The following CEMIP variants were observed in gnomAD, a reference collection of about 807,000 sequenced individuals.
CEMIP encodes the protein cell migration inducing hyaluronidase 1, also known as cell migration-inducing and hyaluronan-binding protein.
Under a neutral mutation model 156.9 loss-of-function variants are expected in CEMIP, and 105 were observed. The ratio of observed to expected loss-of-function variants is 0.67; its 90% confidence interval spans 0.57 to 0.79. The LOEUF (loss-of-function observed/expected upper bound fraction) is 0.79, where lower values mean the gene tolerates loss of function less well. CEMIP is among the 30% of genes least tolerant of loss of function. The pLI is 0.00. For synonymous variants in CEMIP, 676 were observed against 668.4 expected, an observed-to-expected ratio of 1.01 and a Z score of -0.17; for missense variants, 1,457 against 1,769.4, an observed-to-expected ratio of 0.82 and a Z score of 3.17.
chr15:80,843,122 A>T (rs1897466521), intron 1 of CEMIP, among the ~76,000 whole-genome samples: 1 of 152,164 alleles, frequency 6.6e-6, no homozygotes, highest in Admixed American at 6.5e-5. Flanking sequence ...TACATGCCAG[A>T]CTGTCTTAGG....
chr15:80,815,196 C>T (rs925116791), intron 1 of CEMIP, among the ~76,000 whole-genome samples: 1 of 152,226 alleles, frequency 6.6e-6, no homozygotes, highest in African/African-American at 2.4e-5. Context: ...ATCCTAACTC[C>T]GTCACTCACT....
chr15:80,913,793 C>T (rs562887895), intron 14 of CEMIP, among the ~76,000 whole-genome samples: 99 of 152,342 alleles, frequency 6.5e-4, no homozygotes, highest in African/African-American at 2.4e-3. Flanking sequence ...GTTAAATGAC[C>T]TTGGCAAACA....
chr15:80,888,587 T>C (rs1898929115), intron 8 of CEMIP, 114 bp from the exon 9 acceptor site: 2 of 765,458 alleles, frequency 2.6e-6, no homozygotes, highest in Non-Finnish European at 4.6e-6. Flanking sequence ...AAAAAATATT[T>C]TTAAAGAAAT....
In CEMIP at chr15:80,932,311, C is replaced by A. The variant is rs1900948320; in HGVS notation, c.2793+272C>A. 6.6e-6 allele frequency among the ~76,000 whole-genome samples: 1 copy of A among 152,214 alleles called. No homozygotes were observed. The highest frequency in any genetic ancestry group is 2.1e-4 in the South Asian group (1 of 4,832). On this transcript the variant is annotated intron_variant, in intron 22 of 29. Transcript: ENST00000394685. The surrounding 1 kb of genome is among the most constrained non-coding windows in gnomAD (Gnocchi z 4.5). ...CCTCTGGAGGAACCCGACGTGTGGA[C>A]TGAGGTTCCTAGGCTGTTCCTCCAA...
Position 80,880,627 on chromosome 15 carries a change from A to G in CEMIP, c.381-273A>G, listed in dbSNP as rs112450705. On this transcript the variant is annotated intron_variant, in intron 5 of 29. Transcript: ENST00000394685. ...ATTCTTGTATCTTTAGTAGAGATGG[A>G]GTTTCACCACGTTGGCCAGGCTGGT... Among the ~76,000 whole-genome samples, 2,547 of 152,064 alleles carry G rather than the reference A, an allele frequency of 0.017. 80 individuals carry two copies. Among genetic ancestry groups the G allele is most frequent in the African/African-American group, 0.059 (2,427 of 41,466 alleles).
chr15:80,869,106 G>A (rs947147326), intron 1 of CEMIP, among the ~76,000 whole-genome samples: 4 of 152,160 alleles, frequency 2.6e-5, no homozygotes, highest in Non-Finnish European at 4.4e-5. Context: ...GCTTGAAGGT[G>A]GCTGTCTTCT....
chr15:80,800,105 T>C (rs531278776), intron 1 of CEMIP, among the ~76,000 whole-genome samples: 1 of 150,408 alleles, frequency 6.6e-6, no homozygotes, highest in African/African-American at 2.4e-5. Context: ...CTTGAACTCC[T>C]GGACTCAAGT....
chr15:80,915,690 G>A (rs1900246694), intron 14 of CEMIP, among the ~76,000 whole-genome samples: 1 of 152,070 alleles, frequency 6.6e-6, no homozygotes, highest in South Asian at 2.1e-4. Flanking sequence ...TGGTTGTTGA[G>A]TTCTTGCCCC....
intron 1 of CEMIP, among the ~76,000 whole-genome samples, chr15:80,789,132 G>A (rs547181465): frequency 6.6e-6 from 1 of 152,260 alleles, no homozygotes; most frequent in Non-Finnish European, 1.5e-5. Flanking sequence ...ATTCTGTTTG[G>A]AAGGTTAGCA....
chr15:80,865,969 G>A (rs992252927), intron 1 of CEMIP, among the ~76,000 whole-genome samples: 1 of 152,130 alleles, frequency 6.6e-6, no homozygotes, highest in African/African-American at 2.4e-5. Context: ...CCCAGCACCA[G>A]CGCAGTGGCC....
chr15:80,852,478 T>C (rs1410211996), intron 1 of CEMIP, among the ~76,000 whole-genome samples: 1 of 152,150 alleles, frequency 6.6e-6, no homozygotes, highest in Non-Finnish European at 1.5e-5. Flanking sequence ...AGTAATTGCA[T>C]TTTTGCTGTT....
At chr15:80,824,769 C>T (rs182569940) in intron 1 of CEMIP, among the ~76,000 whole-genome samples, 1 of 152,188 alleles carries the variant, frequency 6.6e-6, no homozygotes, top group African/African-American at 2.4e-5. Context: ...CTCATTGTCT[C>T]TTGTCTTTGA....
At chr15:80,837,649 T>C (rs1596123209) in intron 1 of CEMIP, among the ~76,000 whole-genome samples, 1 of 152,236 alleles carries the variant, frequency 6.6e-6, no homozygotes, top group African/African-American at 2.4e-5. Context: ...ATATTTTCCT[T>C]CTTCCCCATC....
At chr15:80,882,867 A>G (rs896366565) in intron 6 of CEMIP, among the ~76,000 whole-genome samples, 3 of 152,176 alleles carry the variant, frequency 2.0e-5, no homozygotes, top group East Asian at 3.8e-4. Flanking sequence ...TTTGAAAGGT[A>G]GTAGGTGCTT....
At chr15:80,903,493 G>C (rs1213386674) in intron 12 of CEMIP, among the ~76,000 whole-genome samples, 1 of 152,216 alleles carries the variant, frequency 6.6e-6, no homozygotes, top group African/African-American at 2.4e-5. Flanking sequence ...GCAAAGGCAT[G>C]TTCAAGGAAG....
chr15:80,869,055 C>T (rs1056195192), intron 1 of CEMIP, among the ~76,000 whole-genome samples: 5 of 152,120 alleles, frequency 3.3e-5, no homozygotes, highest in African/African-American at 1.2e-4. Flanking sequence ...GGGTTGGCTT[C>T]TTCTGAAGCC....
At chr15:80,939,491 G>T (rs1465340313) in intron 25 of CEMIP, among the ~76,000 whole-genome samples, 7 of 152,196 alleles carry the variant, frequency 4.6e-5, no homozygotes, top group Admixed American at 3.9e-4. Context: ...AAGTCCCTGG[G>T]ATACCATCCA....
chr15:80,830,721 C>G (rs1230030376), intron 1 of CEMIP, among the ~76,000 whole-genome samples: 1 of 151,966 alleles, frequency 6.6e-6, no homozygotes, highest in African/African-American at 2.4e-5. Flanking sequence ...TATTTTTAAG[C>G]TATGTTTTTA....
Position 80,895,936 on chromosome 15 carries a change from T to G in CEMIP, c.1287T>G (p.Asn429Lys). Reference sequence around the variant, plus strand: ...GCACCATTCTGAACTTGGAGGATAATGTACAGTCATGGAAACCTGGAGATA... The same window carrying G: ...GCACCATTCTGAACTTGGAGGATAAGGTACAGTCATGGAAACCTGGAGATA... ...VNSTILNLEDNVQSWKPGDTL... is the reference protein window; with the variant it reads ...VNSTILNLEDKVQSWKPGDTL... Residue 429 changes from asparagine to lysine, a missense_variant, in exon 12 of 30, where the codon AAT (asparagine) becomes AAG (lysine). Asn to Lys is a moderately conservative substitution (Grantham distance 94, BLOSUM62 0). This residue lies in a region of CEMIP where 280 missense variants were observed against 300.3 expected (regional missense o/e 0.93). Coordinates refer to ENST00000394685, the MANE Select transcript of CEMIP (RefSeq NM_001293298.2). 1 of 1,614,120 alleles carries G rather than the reference T, an allele frequency of 6.2e-7. No homozygotes were observed. Among genetic ancestry groups the G allele is most frequent in the Non-Finnish European group, 8.5e-7 (1 of 1,180,018 alleles).
Sources: allele counts gnomAD v4.1 joint callset (sites outside exome capture counted in the v4.1 genomes callset), GRCh38; gene constraint gnomAD v4.1.1; regional missense constraint gnomAD v4.1.1; non-coding constraint Gnocchi (gnomAD v3.1); transcripts MANE v1.5; gene names NCBI Gene and HGNC (gene_info 2026-07-23, HGNC 2026-07-21).